PPP1R11: variants seen among roughly 807,000 people sequenced by gnomAD.
PPP1R11 encodes E3 ubiquitin-protein ligase PPP1R11.
PPP1R11 carries 10 observed loss-of-function variants against 11.3 expected under a neutral mutation model. The observed-to-expected ratio is 0.88, with a 90% confidence interval of 0.55 to 1.50. PPP1R11 has a LOEUF of 1.50. Ranked by LOEUF, PPP1R11 falls within the 40% of genes most tolerant of loss-of-function variation. PPP1R11 has a pLI of 0.00. For synonymous variants in PPP1R11, 56 were observed against 62.3 expected (o/e 0.90, Z 0.48); for missense variants, 114 against 179.1 (o/e 0.64, Z 2.07).
upstream of PPP1R11, chr6:30,061,722 G>C: frequency 6.2e-7 from 1 of 1,608,762 alleles, no homozygotes; most frequent in Non-Finnish European, 8.5e-7. The surrounding 1 kb of genome is among the most constrained non-coding windows in gnomAD (Gnocchi z 5.0). Context: ...TCGGAAGCTT[G>C]GGGAACTCAA....
chr6:30,068,528 G>C, intron 1 of PPP1R11, 62 bp from the exon 2 acceptor site: 1 of 1,350,228 alleles, frequency 7.4e-7, no homozygotes, highest in Non-Finnish European at 1.0e-6. Flanking sequence ...GGTTCCCTGG[G>C]AGGGAGTGGG....
chr6:30,061,492 T>C, the PPP1R11 span: 1 of 1,609,828 alleles, frequency 6.2e-7, no homozygotes, highest in Non-Finnish European at 8.5e-7. This position sits in a 1 kb window ranked among gnomAD's most constrained non-coding sequence, Gnocchi z 5.0. Context: ...CTTTTGTTAA[T>C]AAACTTCCAA....
chr6:30,061,529 C>T, the PPP1R11 span: 3 of 1,612,938 alleles, frequency 1.9e-6, no homozygotes, highest in Admixed American at 5.0e-5. This position sits in a 1 kb window ranked among gnomAD's most constrained non-coding sequence, Gnocchi z 5.0. Context: ...GACCGCATGT[C>T]TGTCATGGAC....
upstream of PPP1R11, chr6:30,062,165 T>C: frequency 6.7e-7 from 1 of 1,495,904 alleles, no homozygotes; most frequent in Admixed American, 1.7e-5. Context: ...GATCGCCTGA[T>C]TCCTGTGGGA....
chr6:30,063,494 T>C (rs975755040), upstream of PPP1R11, among the ~76,000 whole-genome samples: 10 of 151,452 alleles, frequency 6.6e-5, no homozygotes, highest in Non-Finnish European at 1.5e-4. The surrounding 1 kb of genome is among the most constrained non-coding windows in gnomAD (Gnocchi z 4.1). Flanking sequence ...TTTAATCATA[T>C]TTTAAATTGT....
At chr6:30,062,013 C>T (rs1456421758), upstream of PPP1R11, 1 of 1,612,802 alleles carries the variant, frequency 6.2e-7, no homozygotes. Context: ...TGCCAGGGAC[C>T]TGTGGTAAGC....
the PPP1R11 span, chr6:30,061,287 G>A: frequency 2.3e-6 from 1 of 436,014 alleles, no homozygotes; most frequent in Non-Finnish European, 4.1e-6. This position sits in a 1 kb window ranked among gnomAD's most constrained non-coding sequence, Gnocchi z 5.0. Context: ...CTAGCCCACG[G>A]AGTTGGTTAA....
chr6:30,068,473 T>C (rs1214465952), intron 1 of PPP1R11, 117 bp from the exon 2 acceptor site: 1 of 733,190 alleles, frequency 1.4e-6, no homozygotes, highest in East Asian at 2.5e-5. Flanking sequence ...GCTCCTCTGG[T>C]GCTATGCCTA....
At chr6:30,062,714 C>CCTTTTTT (rs749507630), upstream of PPP1R11, among the ~76,000 whole-genome samples, 94 of 42,386 alleles carry the variant, frequency 2.2e-3, 6 homozygotes, top group African/African-American at 6.8e-3. Flanking sequence ...CCACGCCTGG[C>CCTTTTTT]TTTTTTTTTT....
chr6:30,061,815 G>A, upstream of PPP1R11: 1 of 1,546,162 alleles, frequency 6.5e-7, no homozygotes, highest in Non-Finnish European at 8.9e-7. This position sits in a 1 kb window ranked among gnomAD's most constrained non-coding sequence, Gnocchi z 5.0. Flanking sequence ...CTGAGGGAAA[G>A]GATGTAGGGC....
At chr6:30,062,543 ATTTTTTTTTTT>A (rs9278553), upstream of PPP1R11, among the ~76,000 whole-genome samples, 41 of 65,000 alleles carry the variant, frequency 6.3e-4, no homozygotes, top group Admixed American at 1.5e-3. Context: ...ACCTTTTAGG[ATTTTTTTTTTT>A]TTTTTTTTTT....
upstream of PPP1R11, chr6:30,061,831 G>A (rs1582351796): frequency 1.3e-6 from 2 of 1,562,514 alleles, no homozygotes; most frequent in African/African-American, 2.7e-5. The surrounding 1 kb of genome is among the most constrained non-coding windows in gnomAD (Gnocchi z 5.0). Flanking sequence ...AGGGCCTCCT[G>A]GCCTAACCAG....
Position 30,068,571 on chromosome 6 carries a change from C to T in PPP1R11, c.70-19C>T. On this transcript the variant is annotated intron_variant, in intron 1 of 2. Coordinates refer to ENST00000376772, the MANE Select transcript of PPP1R11 (RefSeq NM_021959.3). ...AGTAAGAGGGGACTAGATAGGTATGCTCATCCTTAACCTTCTAGGAGAACC... is the reference window on the plus strand; with the variant it reads ...AGTAAGAGGGGACTAGATAGGTATGTTCATCCTTAACCTTCTAGGAGAACC... 1.2e-6 allele frequency: 2 copies of T among 1,601,736 alleles called. No homozygotes were observed. The highest frequency in any genetic ancestry group is 8.5e-7 in the Non-Finnish European group (1 of 1,171,612).
chr6:30,069,180 T>C lies in PPP1R11; in HGVS notation c.255T>C (p.Cys85=), dbSNP rs141671769. The change falls in exon 3 of 3, where the codon TGT becomes TGC. Residue 85 remains cysteine (C), a synonymous_variant. Transcript: ENST00000376772. This position sits in a 1 kb window ranked among gnomAD's most constrained non-coding sequence, Gnocchi z 6.6. The part of the protein sequence containing the change: ...TESDEEEEEG[C]GHTHCVRGHR... Reference sequence around the variant, plus strand: ...GTGATGAGGAGGAAGAAGAGGGCTGTGGTCATACACACTGTGTACGTGGCC... The same window carrying C: ...GTGATGAGGAGGAAGAAGAGGGCTGCGGTCATACACACTGTGTACGTGGCC... 1,493 of 1,612,694 alleles carry C rather than the reference T, an allele frequency of 9.3e-4. 1 individual carries two copies. Among genetic ancestry groups the C allele is most frequent in the Non-Finnish European group, 1.0e-3 (1,201 of 1,179,702 alleles).
At chr6:30,066,030 C>T (rs1412083836), upstream of PPP1R11, among the ~76,000 whole-genome samples, 3 of 152,112 alleles carry the variant, frequency 2.0e-5, no homozygotes, top group East Asian at 5.8e-4. Context: ...GTTTGACCCC[C>T]ACAGCAACCT....
chr6:30,068,445 CTGTTT>C (rs1384997039), intron 1 of PPP1R11, 140 bp from the exon 2 acceptor site: 3 of 598,538 alleles, frequency 5.0e-6, no homozygotes, highest in Non-Finnish European at 8.8e-6. Flanking sequence ...AAGACCTGTT[CTGTTT>C]TATCTTCTGT....
At chr6:30,061,838 C>G (rs1274037321), upstream of PPP1R11, 5 of 1,555,464 alleles carry the variant, frequency 3.2e-6, no homozygotes, top group African/African-American at 6.8e-5. The surrounding 1 kb of genome is among the most constrained non-coding windows in gnomAD (Gnocchi z 5.0). Flanking sequence ...CCTGGCCTAA[C>G]CAGCCAGGGG....
At position 30,067,570 on chromosome 6, in the gene PPP1R11, G is replaced by A. The variant is rs1765633065; in HGVS notation, c.69+91G>A. 10 of 1,473,096 alleles carry A rather than the reference G, an allele frequency of 6.8e-6. No homozygotes were observed. In the Admixed American group the frequency reaches 1.7e-4, roughly 25 times the overall value. 91.3% of individuals were successfully genotyped at this position (1,473,096 alleles called of 1,614,324 possible). On this transcript the variant is annotated intron_variant, in intron 1 of 2. Coordinates refer to ENST00000376772, the MANE Select transcript of PPP1R11 (RefSeq NM_021959.3). ...ATTAGAAGAGTTGTTGGAGGAGCTA[G>A]GCCTAGGGATATGGGAGGTGTGGGG...
At position 30,069,624 on chromosome 6, in the gene PPP1R11, A is replaced by C; in HGVS notation, c.*318A>C. 5.7e-6 allele frequency: 2 copies of C among 347,892 alleles called. No homozygotes were observed. The highest frequency in any genetic ancestry group is 5.2e-6 in the Non-Finnish European group (1 of 193,566). The allele number at this position is 347,892 out of a possible 1,614,324, so 21.6% of individuals were successfully genotyped here. On this transcript the variant is annotated 3_prime_UTR_variant, in exon 3 of 3. Coordinates refer to ENST00000376772, the MANE Select transcript of PPP1R11 (RefSeq NM_021959.3). The surrounding 1 kb of genome is among the most constrained non-coding windows in gnomAD (Gnocchi z 6.6). ...GTTATCTTGGCCCTGCACTCTCAACATGAGTAGCGAACACTTAAATTGGGT... is the reference window on the plus strand; with the variant it reads ...GTTATCTTGGCCCTGCACTCTCAACCTGAGTAGCGAACACTTAAATTGGGT...
Sources: allele counts gnomAD v4.1 joint callset (sites outside exome capture counted in the v4.1 genomes callset), GRCh38; gene constraint gnomAD v4.1.1; non-coding constraint Gnocchi (gnomAD v3.1); transcripts MANE v1.5; gene names NCBI Gene and HGNC (gene_info 2026-07-23, HGNC 2026-07-21).